Variants in CEP135 observed in about 807,000 individuals in gnomAD.
CEP135 encodes the protein centrosomal protein 135.
A neutral mutation model predicts 157.3 loss-of-function variants in CEP135; 142 were observed. The observed-to-expected ratio is 0.90, with a 90% CI of 0.79 to 1.04. The LOEUF (loss-of-function observed/expected upper bound fraction) is 1.04. Among genes scored for constraint, CEP135 ranks in the 50% least tolerant of loss-of-function variants. The probability of loss-of-function intolerance (pLI) is 0.00; values close to 1 mark genes in which losing one functional copy is unlikely to be tolerated. For missense variants in CEP135, 1,317 were observed against 1,309.2 expected, an observed-to-expected ratio of 1.01 and a Z score of -0.09; for synonymous variants, 396 against 439.8, an observed-to-expected ratio of 0.90 and a Z score of 1.25.
intron 11 of CEP135, among the ~76,000 whole-genome samples, chr4:55,975,858 A>C (rs1199836433): frequency 6.6e-6 from 1 of 152,178 alleles, no homozygotes; most frequent in Non-Finnish European, 1.5e-5. Flanking sequence ...TCCATTGTCA[A>C]ACAGTTTTGT....
chr4:56,026,294 C>CA (rs1317251529), intron 25 of CEP135, among the ~76,000 whole-genome samples: 2 of 152,112 alleles, frequency 1.3e-5, no homozygotes, highest in Non-Finnish European at 2.9e-5. Flanking sequence ...GACAACAAAG[C>CA]AAAACCCCAT....
At position 55,991,913 on chromosome 4, in the gene CEP135, G is replaced by GT. The variant is rs757606944; in HGVS notation, c.1858-14dup. ...TAACGTATTAAGATATATACCTACT[G>GT]TTTTTTTATTTAAATTATAGCTTGA... On this transcript the variant is annotated intron_variant, in intron 14 of 25. Transcript: ENST00000257287. 20 of 1,301,368 alleles carry GT rather than the reference G, an allele frequency of 1.5e-5. No individual in the cohort carries two copies. The Admixed American group carries it at 2.0e-4, about 13-fold the overall frequency. The allele number at this position is 1,301,368 out of a possible 1,614,324, so 80.6% of individuals were successfully genotyped here. A position where few individuals can be genotyped will look rare whatever the true frequency, so the allele number is the denominator to read the frequency against.
intron 14 of CEP135, among the ~76,000 whole-genome samples, chr4:55,985,735 A>G (rs1231790758): frequency 6.6e-6 from 1 of 152,212 alleles, no homozygotes; most frequent in East Asian, 1.9e-4. Context: ...TGCTGGGATT[A>G]CAGCATGAGC....
intron 11 of CEP135, among the ~76,000 whole-genome samples, chr4:55,977,894 A>G (rs1729275284): frequency 6.6e-6 from 1 of 152,186 alleles, no homozygotes; most frequent in African/African-American, 2.4e-5. Context: ...TTCAAAGCAC[A>G]TCAGTTCTGG....
chr4:56,000,453 A>G (rs770355705), intron 17 of CEP135, among the ~76,000 whole-genome samples: 6 of 152,054 alleles, frequency 3.9e-5, no homozygotes, highest in Admixed American at 6.6e-5. Context: ...TTCTAAGTGT[A>G]TATTTGTGCC....
chr4:55,961,832 T>C (rs1055573837), intron 6 of CEP135, among the ~76,000 whole-genome samples: 1 of 148,318 alleles, frequency 6.7e-6, no homozygotes, highest in Non-Finnish European at 1.5e-5. Context: ...CTCAACTTTC[T>C]ATCTCTACCT....
Position 55,974,938 on chromosome 4 carries a change from A to C in CEP135, c.1442A>C (p.Glu481Ala). ...RSCSTSYSAR[E>A]KSSIFRTPEK... is the part of the protein sequence containing the mutation. Reference sequence around the variant, plus strand: ...TGCTCTACAAGTTATAGCGCACGTGAAAAAAGTTCAATATTTAGAACACCA... The same window carrying C: ...TGCTCTACAAGTTATAGCGCACGTGCAAAAAGTTCAATATTTAGAACACCA... Residue 481 changes from glutamate to alanine, a missense_variant, in exon 11 of 26, where the codon GAA (glutamate) becomes GCA (alanine). Glu to Ala is a moderately radical substitution (Grantham distance 107). Coordinates refer to ENST00000257287, the MANE Select transcript of CEP135 (RefSeq NM_025009.5). 1.2e-6 allele frequency: 2 copies of C among 1,606,318 alleles called. No homozygotes were observed. Among genetic ancestry groups the C allele is most frequent in the Non-Finnish European group, 1.7e-6 (2 of 1,175,380 alleles).
intron 11 of CEP135, among the ~76,000 whole-genome samples, chr4:55,976,884 A>G (rs1367710964): frequency 6.6e-6 from 1 of 152,156 alleles, no homozygotes; most frequent in Admixed American, 6.5e-5. Context: ...ATCTTGTCTC[A>G]CAGCAACATC....
chr4:56,008,432 A>C (rs999471609), intron 18 of CEP135, 50 bp downstream of exon 18: 1 of 1,401,386 alleles, frequency 7.1e-7, no homozygotes, highest in Non-Finnish European at 1.0e-6. Context: ...TTTTCAGTGA[A>C]TACAGCTTTA....
At chr4:56,004,479 A>T (rs2702343) in intron 17 of CEP135, among the ~76,000 whole-genome samples, 11,368 of 152,238 alleles carry the variant, frequency 0.075, 643 homozygotes, top group African/African-American at 0.15. Flanking sequence ...TGTCAACATG[A>T]TCTGTCCATT....
intron 25 of CEP135, among the ~76,000 whole-genome samples, chr4:56,026,872 A>G (rs181352065): frequency 6.6e-6 from 1 of 152,326 alleles, no homozygotes; most frequent in East Asian, 1.9e-4. Flanking sequence ...ATTGACAGAA[A>G]TAGTTATGCC....
In CEP135 at chr4:55,957,223, G is replaced by A; in HGVS notation, c.473G>A (p.Gly158Asp). The change falls in exon 5 of 26, where the codon GGT (glycine) becomes GAT (aspartate). Residue 158 changes from glycine to aspartate, a missense_variant and splice_region_variant. Transcript: ENST00000257287. Reference sequence around the variant, plus strand: ...TTTTTAAGACACTCATTCTTTTTAGGTGGCAAGAAAAGAAGTATTGCTTTC... The same window carrying A: ...TTTTTAAGACACTCATTCTTTTTAGATGGCAAGAAAAGAAGTATTGCTTTC... ...KNLHAVVQTPGGKKRSIAFRR... is the reference protein window; with the variant it reads ...KNLHAVVQTPDGKKRSIAFRR... 4 of 1,610,594 alleles carry A rather than the reference G, an allele frequency of 2.5e-6. No homozygotes were observed. Among genetic ancestry groups the A allele is most frequent in the Non-Finnish European group, 3.4e-6 (4 of 1,179,184 alleles).
Position 55,992,932 on chromosome 4 carries a change from C to T in CEP135, c.2009+847C>T, listed in dbSNP as rs73240504. Reference sequence around the variant, plus strand: ...ATAATGAAGGTCGGAATAAGGGGACCGCTCTGAAGAATCTGAGGAAATACC... The same window carrying T: ...ATAATGAAGGTCGGAATAAGGGGACTGCTCTGAAGAATCTGAGGAAATACC... On this transcript the variant is annotated intron_variant, in intron 15 of 25. Transcript: ENST00000257287. 5.6e-3 allele frequency among the ~76,000 whole-genome samples: 845 copies of T among 152,156 alleles called. 6 individuals are homozygous for T. The highest frequency in any genetic ancestry group is 7.9e-3 in the Non-Finnish European group (539 of 67,978).
At chr4:55,949,690 A>G (rs1278777900) in intron 1 of CEP135, among the ~76,000 whole-genome samples, 5 of 152,242 alleles carry the variant, frequency 3.3e-5, no homozygotes, top group Admixed American at 1.3e-4. Context: ...GGATACTTCT[A>G]CACATATATG....
chr4:56,003,727 T>G (rs1348941325), intron 17 of CEP135, among the ~76,000 whole-genome samples: 2 of 151,972 alleles, frequency 1.3e-5, no homozygotes, highest in African/African-American at 4.8e-5. Context: ...TTTTGTTTTT[T>G]TTTTTGTTTT....
rs35814086 is a variant in CEP135 at position 56,019,082 on chromosome 4, C to A, written c.3013-271C>A. 0.2 allele frequency among the ~76,000 whole-genome samples: 29,845 copies of A among 151,860 alleles called. 3,306 individuals are homozygous for A. Among genetic ancestry groups the A allele is most frequent in the Non-Finnish European group, 0.26 (17,634 of 67,980 alleles). On this transcript the variant is annotated intron_variant, in intron 22 of 25. Transcript: ENST00000257287. ...GCCCTTGTGGTTTTATCTTAATGACCGTCTCTTGATAAGGTACCATGACTA... is the reference window on the plus strand; with the variant it reads ...GCCCTTGTGGTTTTATCTTAATGACAGTCTCTTGATAAGGTACCATGACTA...
intron 2 of CEP135, among the ~76,000 whole-genome samples, chr4:55,952,723 A>G (rs187650660): frequency 1.1e-4 from 17 of 152,314 alleles, no homozygotes; most frequent in Admixed American, 1.0e-3. Flanking sequence ...CCTAGGCTAT[A>G]TGGTCTGTAT....
chr4:56,027,050 G>C (rs1731179830), intron 25 of CEP135, among the ~76,000 whole-genome samples: 1 of 152,162 alleles, frequency 6.6e-6, no homozygotes, highest in South Asian at 2.1e-4. Context: ...AATGATTCCT[G>C]ATTGCTCTGC....
At chr4:55,968,070 A>T (rs1728899417) in intron 8 of CEP135, among the ~76,000 whole-genome samples, 1 of 152,256 alleles carries the variant, frequency 6.6e-6, no homozygotes, top group Non-Finnish European at 1.5e-5. Flanking sequence ...AAATTGCAGG[A>T]TACAAAATCA....
Sources: gnomAD v4.1 joint callset for allele counts (sites outside exome capture counted in the v4.1 genomes callset) on GRCh38, gnomAD v4.1.1 for gene constraint, MANE v1.5 for transcripts, NCBI Gene and HGNC (gene_info 2026-07-23, HGNC 2026-07-21) for gene names.